Variants in MON2 observed in about 807,000 individuals in gnomAD.
MON2 encodes the protein protein MON2 homolog.
In MON2, 84 loss-of-function variants were observed where a neutral mutation model predicts 208.6. That is an observed-to-expected ratio of 0.40 (90% CI 0.34 to 0.48). The LOEUF (loss-of-function observed/expected upper bound fraction) is 0.48. MON2 is among the 20% of genes least tolerant of loss of function. MON2 has a pLI of 0.59. For missense variants in MON2, 1,611 were observed against 2,015.4 expected (o/e 0.80, Z 3.84); for synonymous variants, 660 against 694.0 (o/e 0.95, Z 0.77).
chr12:62,493,838 G>T (rs2070318313), intron 2 of MON2, 77 bp from the exon 3 acceptor site: 2 of 1,097,924 alleles, frequency 1.8e-6, no homozygotes, highest in South Asian at 2.2e-5. Flanking sequence ...CGCTATTACT[G>T]GTTGTAATTA....
intron 8 of MON2, among the ~76,000 whole-genome samples, chr12:62,512,707 C>T (rs2071473868): frequency 6.6e-6 from 1 of 152,198 alleles, no homozygotes; most frequent in Non-Finnish European, 1.5e-5. Context: ...CTCCACTAGG[C>T]GGTGCTCCAG....
At position 62,560,957 on chromosome 12, in the gene MON2, T is replaced by A; in HGVS notation, c.3876T>A (p.Asn1292Lys). The change falls in exon 26 of 35, where the codon AAT (asparagine) becomes AAA (lysine). Residue 1292 changes from asparagine (N) to lysine (K), a missense_variant. Transcript: ENST00000393630. ...ALYQHIKTGF[N>K]MDDLQKLGVI... ...ACCAACACATAAAAACTGGTTTCAA[T>A]ATGGATGACTTGCAAAAGTTGGGAG... 1 of 1,614,036 alleles carries A rather than the reference T, an allele frequency of 6.2e-7. No individual in the cohort carries two copies. Among genetic ancestry groups the A allele is most frequent in the Admixed American group, 1.7e-5 (1 of 60,012 alleles).
chr12:62,570,238 G>C (rs1222937017), intron 29 of MON2, among the ~76,000 whole-genome samples: 1 of 152,068 alleles, frequency 6.6e-6, no homozygotes, highest in African/African-American at 2.4e-5. Flanking sequence ...TCTAGTCACT[G>C]TACATGACTC....
In MON2 at chr12:62,501,650, C is replaced by T. The variant is rs1272828817; in HGVS notation, c.741C>T (p.Leu247=). 5 of 1,614,076 alleles carry T rather than the reference C, an allele frequency of 3.1e-6. No homozygotes were observed. The South Asian group carries it at 4.4e-5, about 14-fold the overall frequency. Residue 247 remains leucine (L), a synonymous_variant, in exon 7 of 35, where the codon CTC becomes CTT. Coordinates refer to ENST00000393630, the MANE Select transcript of MON2 (RefSeq NM_015026.3). ...CAGAAATGACTCGGACGTTTGGCCT[C>T]GAATTACTTGAGTCAGTCCTCAATG... The part of the protein sequence containing the change: ...GMTEMTRTFG[L]ELLESVLNDF...
At chr12:62,584,000 T>C (rs2075104952) in intron 32 of MON2, among the ~76,000 whole-genome samples, 1 of 148,528 alleles carries the variant, frequency 6.7e-6, no homozygotes, top group African/African-American at 2.5e-5. Flanking sequence ...GACAGTGGAA[T>C]TCTCAGACGC....
intron 1 of MON2, among the ~76,000 whole-genome samples, chr12:62,473,187 C>T (rs552644933): frequency 6.6e-6 from 1 of 152,274 alleles, no homozygotes; most frequent in African/African-American, 2.4e-5. Flanking sequence ...TAAAATGTTG[C>T]CTTCCCACTA....
At chr12:62,487,620 A>T (rs1368484472) in intron 2 of MON2, among the ~76,000 whole-genome samples, 1 of 151,756 alleles carries the variant, frequency 6.6e-6, no homozygotes, top group African/African-American at 2.4e-5. Context: ...ATACTTTGGA[A>T]TTTTTTTCTG....
At position 62,538,320 on chromosome 12, in the gene MON2, C is replaced by T; in HGVS notation, c.2268C>T (p.Ser756=). ...ISNILSRLFE[S]SQYLDDVSLH... is the part of the protein sequence containing the mutation. ...ATATACTTTCAAGATTGTTTGAAAGCTCACAGTAAGAGTCAGTTTTTTTAA... is the reference window on the plus strand; with the variant it reads ...ATATACTTTCAAGATTGTTTGAAAGTTCACAGTAAGAGTCAGTTTTTTTAA... The change falls in exon 18 of 35, where the codon AGC becomes AGT. Residue 756 remains serine, a synonymous_variant. Transcript: ENST00000393630. The T allele has an allele frequency of 5.6e-6, 9 of 1,611,590 alleles. No homozygotes were observed. The highest frequency in any genetic ancestry group is 7.6e-6 in the Non-Finnish European group (9 of 1,177,798).
chr12:62,590,274 G>T (rs2136510185), intron 34 of MON2, among the ~76,000 whole-genome samples: 1 of 152,192 alleles, frequency 6.6e-6, no homozygotes, highest in Admixed American at 6.5e-5. Flanking sequence ...TGTATTTTCA[G>T]TAGAGATAGG....
chr12:62,570,119 A>C (rs2074534644), intron 29 of MON2, among the ~76,000 whole-genome samples: 1 of 152,194 alleles, frequency 6.6e-6, no homozygotes, highest in Non-Finnish European at 1.5e-5. Flanking sequence ...AACTGTGATC[A>C]GAGAAATTCA....
Position 62,538,420 on chromosome 12 carries a change from TTGA to T in MON2, c.2285_2287del (p.Asp762del). The stretch of plus-strand genomic sequence containing the variant: ...TTTCTTCATTTCCTTTTTAGGTATC[TTGA>T]TGATGTATCACTGCATCATTTAATA... On this transcript the variant is annotated inframe_deletion, in exon 19 of 35. Coordinates refer to ENST00000393630, the MANE Select transcript of MON2 (RefSeq NM_015026.3). 6.2e-7 allele frequency: 1 copy of T among 1,608,474 alleles called. No homozygotes were observed. Among genetic ancestry groups the T allele is most frequent in the Non-Finnish European group, 8.5e-7 (1 of 1,175,216 alleles).
At position 62,599,902 on chromosome 12, in the gene MON2, A is replaced by T. The variant is rs2075592562; in HGVS notation, c.*7153A>T. On this transcript the variant is annotated 3_prime_UTR_variant, in exon 35 of 35. Coordinates refer to ENST00000393630, the MANE Select transcript of MON2 (RefSeq NM_015026.3). ...AAGATTTGTCTTAACGATGACCTTGAAAGTTGCATTGGGTTTTTATTATTG... is the reference window on the plus strand; with the variant it reads ...AAGATTTGTCTTAACGATGACCTTGTAAGTTGCATTGGGTTTTTATTATTG... The T allele has an allele frequency of 6.6e-6, 1 of 152,244 alleles. No individual in the cohort carries two copies. The highest frequency in any genetic ancestry group is 6.5e-5 in the Admixed American group (1 of 15,282). The allele number at this position is 152,244 out of a possible 1,614,324, so 9.4% of individuals were successfully genotyped here. A position where few individuals can be genotyped will look rare whatever the true frequency, so the allele number is the denominator to read the frequency against.
At chr12:62,569,916 AGAT>A (rs1473645589) in intron 29 of MON2, among the ~76,000 whole-genome samples, 9 of 152,214 alleles carry the variant, frequency 5.9e-5, no homozygotes, top group African/African-American at 2.2e-4. Context: ...TTTGTGTGGA[AGAT>A]GATGATATTT....
At chr12:62,499,421 G>A in intron 5 of MON2, among the ~76,000 whole-genome samples, 1 of 151,804 alleles carries the variant, frequency 6.6e-6, no homozygotes, top group Non-Finnish European at 1.5e-5. Flanking sequence ...GTCTCCTATT[G>A]GACACTTGCA....
At position 62,539,504 on chromosome 12, in the gene MON2, T is replaced by TGATCC. The variant is rs796425181; in HGVS notation, c.2364+1001_2364+1005dup. 7.5e-4 allele frequency among the ~76,000 whole-genome samples: 114 copies of TGATCC among 151,614 alleles called. 1 individual carries two copies. Among genetic ancestry groups the TGATCC allele is most frequent in the African/African-American group, 2.7e-3 (110 of 41,352 alleles). ...GGATGGTGTCGATCTCCTGACCTTG[T>TGATCC]GATCCGCCCGCCTCAGCCTCCCAAA... is the stretch of plus-strand genomic sequence containing the variant. On this transcript the variant is annotated intron_variant, in intron 19 of 34. Coordinates refer to ENST00000393630, the MANE Select transcript of MON2 (RefSeq NM_015026.3).
At position 62,574,030 on chromosome 12, in the gene MON2, A is replaced by G. The variant is rs1047939418; in HGVS notation, c.4514+2448A>G. 3.3e-5 allele frequency among the ~76,000 whole-genome samples: 5 copies of G among 152,188 alleles called. No homozygotes were observed. In the East Asian group the frequency reaches 7.7e-4, roughly 23 times the overall value. On this transcript the variant is annotated intron_variant, in intron 30 of 34. Coordinates refer to ENST00000393630, the MANE Select transcript of MON2 (RefSeq NM_015026.3). ...ACCAGACTACCTGGATTCAAATCCC[A>G]GTAGTACTACTTTGTACTACTTTTT... is the stretch of plus-strand genomic sequence containing the variant.
rs144901030 is a variant in MON2 at position 62,480,404 on chromosome 12, AAAC to A, written c.112-3763_112-3761del. On this transcript the variant is annotated intron_variant, in intron 1 of 34. Transcript: ENST00000393630. ...GGAGACCCTGTCTCTACAAAACAAA[AAAC>A]AAAAAAAATCAGCCAGGTGTGGTGG... Among the ~76,000 whole-genome samples, 658 of 152,174 alleles carry A rather than the reference AAAC, an allele frequency of 4.3e-3. 6 individuals are homozygous for A. The highest frequency in any genetic ancestry group is 0.015 in the African/African-American group (613 of 41,508).
chr12:62,551,691 AAG>A (rs2073753833), intron 23 of MON2, among the ~76,000 whole-genome samples: 1 of 152,232 alleles, frequency 6.6e-6, no homozygotes, highest in African/African-American at 2.4e-5. Context: ...AAGCACAACA[AAG>A]AGAAGTGCAA....
chr12:62,555,919 T>TA, intron 24 of MON2, 75 bp from the exon 25 acceptor site: 1 of 1,102,690 alleles, frequency 9.1e-7, no homozygotes, highest in Non-Finnish European at 1.3e-6. Flanking sequence ...TGTAGATTCT[T>TA]ATGCTGTTGC....
Sources: gnomAD v4.1 joint callset for allele counts (sites outside exome capture counted in the v4.1 genomes callset) on GRCh38, gnomAD v4.1.1 for gene constraint, MANE v1.5 for transcripts, NCBI Gene and HGNC (gene_info 2026-07-23, HGNC 2026-07-21) for gene names.